IRGM: variants seen among roughly 807,000 people sequenced by gnomAD.
IRGM encodes the protein immunity-related GTPase family M protein.
For missense variants in IRGM, 288 were observed against 219.9 expected, an observed-to-expected ratio of 1.31 and a Z score of -1.96; for synonymous variants, 98 against 80.6, an observed-to-expected ratio of 1.22 and a Z score of -1.16.
intron 1 of IRGM, among the ~76,000 whole-genome samples, chr5:150,861,370 C>G (rs1013300133): frequency 1.3e-5 from 2 of 152,116 alleles, no homozygotes; most frequent in Non-Finnish European, 2.9e-5. Context: ...AAATTAGAAG[C>G]TATCAGGTCT....
intron 3 of IRGM, among the ~76,000 whole-genome samples, chr5:150,892,126 T>A (rs1754618883): frequency 6.6e-6 from 1 of 152,108 alleles, no homozygotes; most frequent in Non-Finnish European, 1.5e-5. Flanking sequence ...ACTGTCAGGA[T>A]GTATAAGTCA....
chr5:150,889,680 C>T (rs1174426753), intron 3 of IRGM, among the ~76,000 whole-genome samples: 4 of 151,990 alleles, frequency 2.6e-5, no homozygotes, highest in South Asian at 2.1e-4. Flanking sequence ...AAAAAACACT[C>T]AGTCTTTCAC....
downstream of IRGM, among the ~76,000 whole-genome samples, chr5:150,849,868 G>T (rs1252791406): frequency 1.3e-5 from 2 of 152,036 alleles, no homozygotes; most frequent in East Asian, 3.8e-4. Context: ...GCCTTCCAAA[G>T]TGCTGGGATT....
intron 1 of IRGM, among the ~76,000 whole-genome samples, chr5:150,871,889 T>C (rs1472334732): frequency 6.6e-6 from 1 of 152,242 alleles, no homozygotes; most frequent in African/African-American, 2.4e-5. Context: ...CCGGAGCTCA[T>C]TGATCCAGTT....
chr5:150,858,872 A>G (rs1353597190), intron 1 of IRGM, among the ~76,000 whole-genome samples: 2 of 152,218 alleles, frequency 1.3e-5, no homozygotes, highest in African/African-American at 2.4e-5. Flanking sequence ...CCATCTGCAA[A>G]CAGGGATAAT....
intron 1 of IRGM, among the ~76,000 whole-genome samples, chr5:150,853,759 T>G (rs1246181054): frequency 6.6e-6 from 1 of 152,082 alleles, no homozygotes; most frequent in African/African-American, 2.4e-5. Context: ...GCATGGAATA[T>G]CTCTTTCCAC....
chr5:150,900,630 T>G (rs901608805), exon 4 of IRGM: 8 of 152,106 alleles, frequency 5.3e-5, no homozygotes, highest in Non-Finnish European at 1.5e-5. Context: ...CTCAGGATAT[T>G]CAACAGCTAG....
At chr5:150,880,099 G>T (rs1267096748) in intron 3 of IRGM, among the ~76,000 whole-genome samples, 1 of 152,122 alleles carries the variant, frequency 6.6e-6, no homozygotes. Flanking sequence ...ATTTATAATT[G>T]AATATACATT....
At chr5:150,864,304 T>C (rs1036145767) in intron 1 of IRGM, among the ~76,000 whole-genome samples, 1 of 152,166 alleles carries the variant, frequency 6.6e-6, no homozygotes, top group Non-Finnish European at 1.5e-5. Flanking sequence ...ACTATATTTC[T>C]CATGATTCAT....
chr5:150,884,818 C>T (rs1754493243), intron 3 of IRGM, among the ~76,000 whole-genome samples: 1 of 152,080 alleles, frequency 6.6e-6, no homozygotes, highest in Non-Finnish European at 1.5e-5. Context: ...GGATATTAGA[C>T]CTTTGTCAGA....
At position 150,896,259 on chromosome 5, in the gene IRGM, C is replaced by T. The variant is rs977584194; in HGVS notation, c.*141-4330C>T. 3 of 1,613,582 alleles carry T rather than the reference C, an allele frequency of 1.9e-6. No homozygotes were observed. In the African/African-American group the frequency reaches 4.0e-5, roughly 22 times the overall value. ...AGAGAAGGCTTTTCCACATTCAGAA[C>T]AATCATAAGGTTTCTCCCCAGTATG... On this transcript the variant is annotated intron_variant and NMD_transcript_variant, in intron 3 of 3. Transcript: ENST00000520549.
At chr5:150,900,710 ATAAAT>A (rs1257524391) in exon 4 of IRGM, 1 of 152,126 alleles carries the variant, frequency 6.6e-6, no homozygotes, top group African/African-American at 2.4e-5. Flanking sequence ...TAAAGAAAAA[ATAAAT>A]TAAAACTTAT....
At chr5:150,898,347 A>G (rs11741861) in intron 3 of IRGM, 146,175 of 1,609,248 alleles carry the variant, frequency 0.091, 9,208 homozygotes, top group East Asian at 0.36. Flanking sequence ...GACATATGTC[A>G]GGAACAATCT....
intron 3 of IRGM, chr5:150,898,352 C>G (rs1057241688): frequency 6.2e-7 from 1 of 1,610,036 alleles, no homozygotes; most frequent in African/African-American, 1.3e-5. Context: ...ATGTCAGGAA[C>G]AATCTAATCA....
At chr5:150,884,995 C>T (rs1198347456) in intron 3 of IRGM, among the ~76,000 whole-genome samples, 1 of 152,108 alleles carries the variant, frequency 6.6e-6, no homozygotes, top group Non-Finnish European at 1.5e-5. Flanking sequence ...TTGCCCATTC[C>T]TATATCCAGG....
chr5:150,855,516 G>C (rs1213764842), intron 1 of IRGM, among the ~76,000 whole-genome samples: 1 of 152,144 alleles, frequency 6.6e-6, no homozygotes. Flanking sequence ...TAGGCATATG[G>C]GAAGTGATCA....
Position 150,848,588 on chromosome 5 carries a change from T to G in IRGM, c.465T>G (p.Gly155=). The change falls in exon 2 of 2, where the codon GGT becomes GGG. Residue 155 remains glycine (G), a synonymous_variant. Coordinates refer to ENST00000522154, the MANE Select transcript of IRGM (RefSeq NM_001145805.2). The part of the protein sequence containing the change: ...WTKLDMDLST[G]ALPEVQLLQI... Reference sequence around the variant, plus strand: ...AGCTAGACATGGACCTCAGCACAGGTGCCCTCCCAGAAGTGCAGCTACTGC... The same window carrying G: ...AGCTAGACATGGACCTCAGCACAGGGGCCCTCCCAGAAGTGCAGCTACTGC... The G allele has an allele frequency of 3.2e-6, 5 of 1,551,624 alleles. No homozygotes were observed. The highest frequency in any genetic ancestry group is 4.4e-6 in the Non-Finnish European group (5 of 1,146,812).
chr5:150,869,857 G>T (rs771836481), intron 1 of IRGM, among the ~76,000 whole-genome samples: 5 of 152,152 alleles, frequency 3.3e-5, no homozygotes, highest in African/African-American at 7.2e-5. Context: ...TCGTATAGTT[G>T]TAAGAGGATC....
chr5:150,847,599 TCA>T (rs1254801651), intron 1 of IRGM, 108 bp from the exon 2 acceptor site: 1 of 154,594 alleles, frequency 6.5e-6, no homozygotes, highest in Non-Finnish European at 1.4e-5. Flanking sequence ...CAAAGAACAC[TCA>T]GTCAAGATCG....
Sources: gnomAD v4.1 joint callset for allele counts (sites outside exome capture counted in the v4.1 genomes callset) on GRCh38, gnomAD v4.1.1 for gene constraint, MANE v1.5 for transcripts, NCBI Gene and HGNC (gene_info 2026-07-23, HGNC 2026-07-21) for gene names.